Variants in GSE1 observed in about 807,000 individuals in gnomAD.
GSE1 encodes Gse1 coiled-coil protein.
GSE1 carries 32 observed loss-of-function variants against 112.6 expected under a neutral mutation model. The observed-to-expected ratio is 0.28, with a 90% confidence interval of 0.21 to 0.38. The LOEUF is 0.38. GSE1 is among the 10% of genes least tolerant of loss of function. GSE1 has a pLI of 1.00. For missense variants in GSE1, 2,348 were observed against 1,699.2 expected, an observed-to-expected ratio of 1.38 and a Z score of -6.71; for synonymous variants, 1,115 against 735.6, an observed-to-expected ratio of 1.52 and a Z score of -8.35.
intron 1 of GSE1, among the ~76,000 whole-genome samples, chr16:85,625,624 C>A (rs1224539273): frequency 6.6e-6 from 1 of 152,166 alleles, no homozygotes; most frequent in Non-Finnish European, 1.5e-5. Context: ...CCTTTGTGTT[C>A]CCAGCATGGC....
chr16:85,424,693 CTAA>C (rs1379022647), intron 2 of GSE1, among the ~76,000 whole-genome samples: 1 of 152,246 alleles, frequency 6.6e-6, no homozygotes, highest in East Asian at 1.9e-4. Context: ...CTCGGAATCG[CTAA>C]TGTTCCTGCG....
At chr16:85,179,287 G>T (rs1307396037) in intron 1 of GSE1, among the ~76,000 whole-genome samples, 2 of 152,028 alleles carry the variant, frequency 1.3e-5, no homozygotes, top group Non-Finnish European at 2.9e-5. Context: ...CTTCTTTCAC[G>T]CAGCACCATG....
intron 1 of GSE1, among the ~76,000 whole-genome samples, chr16:85,213,595 A>G (rs575996393): frequency 1.2e-4 from 19 of 152,348 alleles, no homozygotes; most frequent in African/African-American, 4.3e-4. Flanking sequence ...TGTCCGGGCT[A>G]TGGCTCCTGC....
chr16:85,384,658 T>G (rs116276929), intron 2 of GSE1, among the ~76,000 whole-genome samples: 2,492 of 152,276 alleles, frequency 0.016, 63 homozygotes, highest in African/African-American at 0.058. Flanking sequence ...GGCTGGGAAC[T>G]CACGGCCAGG....
At chr16:85,248,970 C>G (rs1906163548) in intron 1 of GSE1, among the ~76,000 whole-genome samples, 1 of 152,134 alleles carries the variant, frequency 6.6e-6, no homozygotes, top group South Asian at 2.1e-4. Context: ...TAGAGTCCCC[C>G]AAGAGTGAGG....
intron 1 of GSE1, among the ~76,000 whole-genome samples, chr16:85,265,863 A>G (rs746544782): frequency 4.9e-4 from 74 of 152,296 alleles, no homozygotes; most frequent in Admixed American, 9.1e-4. Context: ...GTGAGGTCCC[A>G]GGTCCACGGT....
intron 2 of GSE1, among the ~76,000 whole-genome samples, chr16:85,425,387 G>A (rs889486127): frequency 6.6e-6 from 1 of 152,116 alleles, no homozygotes; most frequent in Non-Finnish European, 1.5e-5. Context: ...CAGAGGCTTG[G>A]TGGAGGATGG....
At chr16:85,309,219 G>A (rs1210226828) in intron 1 of GSE1, among the ~76,000 whole-genome samples, 1 of 152,070 alleles carries the variant, frequency 6.6e-6, no homozygotes, top group East Asian at 1.9e-4. Flanking sequence ...GTAAAAAGAG[G>A]CCAGGTGCCA....
intron 15 of GSE1, chr16:85,672,147 C>T (rs531430153): frequency 1.2e-4 from 53 of 454,374 alleles, no homozygotes; most frequent in African/African-American, 5.7e-4. Context: ...TACAGGTATA[C>T]GACACCATGC....
chr16:85,423,403 G>A (rs1362350035), intron 2 of GSE1, among the ~76,000 whole-genome samples: 1 of 152,214 alleles, frequency 6.6e-6, no homozygotes, highest in African/African-American at 2.4e-5. Flanking sequence ...GAGATCCCTG[G>A]AGGGCTTCGG....
At chr16:85,640,696 C>T (rs2050370360) in intron 2 of GSE1, among the ~76,000 whole-genome samples, 1 of 152,246 alleles carries the variant, frequency 6.6e-6, no homozygotes, top group African/African-American at 2.4e-5. Flanking sequence ...GAGAGGCTCC[C>T]CCTTTCTGCC....
chr16:85,373,822 C>T lies in GSE1; in HGVS notation c.2464+16179C>T, dbSNP rs927782052. Among the ~76,000 whole-genome samples, 4 of 152,172 alleles carry T rather than the reference C, an allele frequency of 2.6e-5. No individual in the cohort carries two copies. The highest frequency in any genetic ancestry group is 1.3e-4 in the Admixed American group (2 of 15,284). On this transcript the variant is annotated intron_variant, in intron 2 of 2. Transcript: ENST00000637419. This position sits in a 1 kb window ranked among gnomAD's most constrained non-coding sequence, Gnocchi z 5.1. ...CCAGGGCAGGGTGATTGTGCTCCTG[C>T]CCCACGGTGCCCCACGGTTACCACC...
At chr16:85,239,747 C>T (rs896706221) in intron 1 of GSE1, among the ~76,000 whole-genome samples, 2 of 152,234 alleles carry the variant, frequency 1.3e-5, no homozygotes, top group African/African-American at 4.8e-5. Flanking sequence ...GGGGTCCCAC[C>T]GGGGCTGTGA....
At chr16:85,608,916 A>C (rs2047838145), upstream of GSE1, among the ~76,000 whole-genome samples, 1 of 152,230 alleles carries the variant, frequency 6.6e-6, no homozygotes, top group Non-Finnish European at 1.5e-5. Flanking sequence ...GCTAGGAGCA[A>C]CTGGCCAGGA....
chr16:85,614,158 C>CT (rs1298633346), intron 1 of GSE1, among the ~76,000 whole-genome samples: 95 of 151,996 alleles, frequency 6.3e-4, no homozygotes, highest in African/African-American at 2.3e-3. Context: ...CGCCGCCCCC[C>CT]ACCCGCACTG....
chr16:85,594,689 C>G (rs1028726226), intron 1 of GSE1: 8 of 152,260 alleles, frequency 5.3e-5, no homozygotes, highest in East Asian at 1.9e-4. Context: ...CTCTGTAACA[C>G]AGGAGTCATT....
chr16:85,464,660 T>C (rs1409353187), intron 2 of GSE1, among the ~76,000 whole-genome samples: 1 of 152,202 alleles, frequency 6.6e-6, no homozygotes, highest in Admixed American at 6.5e-5. Flanking sequence ...GCGGAGGGTA[T>C]ACCTGGCCTG....
At chr16:85,637,684 C>T (rs928483269) in intron 2 of GSE1, among the ~76,000 whole-genome samples, 2 of 151,926 alleles carry the variant, frequency 1.3e-5, no homozygotes, top group Non-Finnish European at 2.9e-5. Context: ...TGGGGAATTC[C>T]AATCCCCAGC....
At chr16:85,618,562 C>T (rs866516375) in intron 1 of GSE1, among the ~76,000 whole-genome samples, 1 of 152,242 alleles carries the variant, frequency 6.6e-6, no homozygotes, top group Admixed American at 6.5e-5. Context: ...GACAATGTCA[C>T]CTGTATCCTG....
Sources: allele counts gnomAD v4.1 joint callset (sites outside exome capture counted in the v4.1 genomes callset), GRCh38; gene constraint gnomAD v4.1.1; non-coding constraint Gnocchi (gnomAD v3.1); transcripts MANE v1.5; gene names NCBI Gene and HGNC (gene_info 2026-07-23, HGNC 2026-07-21).